The following ZBTB37 variants were observed in gnomAD, a reference collection of about 807,000 sequenced individuals.
The protein encoded by ZBTB37 is zinc finger and BTB domain containing 37, also known as zinc finger and BTB domain-containing protein 37.
Under a neutral mutation model 37.7 loss-of-function variants are expected in ZBTB37, and 15 were observed. The observed-to-expected ratio is 0.40, with a 90% CI of 0.27 to 0.61. The LOEUF is 0.61. ZBTB37 is among the 20% of genes least tolerant of loss of function. The pLI is 0.44. For missense variants in ZBTB37, 514 were observed against 641.9 expected (o/e 0.80, Z 2.15); for synonymous variants, 231 against 220.6 (o/e 1.05, Z -0.42).
exon 4 of ZBTB37, chr1:173,896,922 C>T (rs1410460896): frequency 6.6e-6 from 1 of 152,186 alleles, no homozygotes; most frequent in East Asian, 1.9e-4. Context: ...AAGTCCGTCT[C>T]TAGAATGGCT....
chr1:173,873,811 A>G (rs1262347672), intron 4 of ZBTB37, among the ~76,000 whole-genome samples: 1 of 152,260 alleles, frequency 6.6e-6, no homozygotes, highest in Non-Finnish European at 1.5e-5. Flanking sequence ...TGAAAAGAAC[A>G]TTAACAAATT....
downstream of ZBTB37, chr1:173,888,482 C>G (rs1273930351): frequency 6.6e-6 from 1 of 152,108 alleles, no homozygotes; most frequent in Non-Finnish European, 1.5e-5. Context: ...AACCAGAGTG[C>G]AGTGGTGCAA....
exon 4 of ZBTB37, chr1:173,899,640 C>T (rs563382777): frequency 4.6e-5 from 7 of 152,174 alleles, no homozygotes; most frequent in Admixed American, 2.0e-4. Context: ...TAGACATTTA[C>T]ATTTTATTGG....
exon 4 of ZBTB37, chr1:173,894,388 C>G (rs144321030): frequency 6.6e-6 from 1 of 152,282 alleles, no homozygotes; most frequent in East Asian, 1.9e-4. Flanking sequence ...TGGTATTCAG[C>G]AGGTGGTTAG....
At chr1:173,876,223 G>A (rs764691646) in intron 4 of ZBTB37, among the ~76,000 whole-genome samples, 7 of 151,940 alleles carry the variant, frequency 4.6e-5, no homozygotes, top group Non-Finnish European at 8.8e-5. Flanking sequence ...CCTTTAAAAA[G>A]TAAACACTGT....
rs1005103832 is a variant in ZBTB37 at position 173,875,156 on chromosome 1, G to C, written c.1023+1590G>C. ...TGTGTGTGTGTGTGTGTGTGTGTGTGTGTGCACGTGTGTACTGTATATACT... is the reference window on the plus strand; with the variant it reads ...TGTGTGTGTGTGTGTGTGTGTGTGTCTGTGCACGTGTGTACTGTATATACT... On this transcript the variant is annotated intron_variant, in intron 4 of 4. Transcript: ENST00000427304. Among the ~76,000 whole-genome samples the C allele has an allele frequency of 5.6e-5, 8 of 143,690 alleles. No individual in the cohort carries two copies. The South Asian group carries it at 1.7e-3, about 31-fold the overall frequency. The allele number at this position is 143,690 out of a possible 152,430, so 94.3% of individuals were successfully genotyped here.
At chr1:173,885,690 C>G in exon 5 of ZBTB37, 1 of 1,552,020 alleles carries the variant, frequency 6.4e-7, no homozygotes, top group South Asian at 1.2e-5. Flanking sequence ...TCTCCGAGAG[C>G]AGGAAGTATC....
chr1:173,881,515 T>C (rs529560756), intron 4 of ZBTB37, among the ~76,000 whole-genome samples: 136 of 152,292 alleles, frequency 8.9e-4, no homozygotes, highest in Middle Eastern at 6.8e-3. Context: ...TTCTGGATCC[T>C]TGAGGAATTG....
chr1:173,892,513 A>G (rs1462692900), exon 4 of ZBTB37: 1 of 152,186 alleles, frequency 6.6e-6, no homozygotes, highest in Non-Finnish European at 1.5e-5. Context: ...GTTACATTCC[A>G]AAGTATGTAA....
At chr1:173,893,506 A>G (rs565286082) in exon 4 of ZBTB37, 2 of 152,312 alleles carry the variant, frequency 1.3e-5, no homozygotes, top group Non-Finnish European at 2.9e-5. Flanking sequence ...TCCTAAGCCC[A>G]CTTGGTTGGC....
At chr1:173,899,976 C>A (rs1358207950) in exon 4 of ZBTB37, 1 of 152,208 alleles carries the variant, frequency 6.6e-6, no homozygotes, top group Non-Finnish European at 1.5e-5. Flanking sequence ...CTAGAATCCT[C>A]TTTCTTTTGC....
At chr1:173,870,722 G>T in exon 3 of ZBTB37, 2 of 1,614,114 alleles carry the variant, frequency 1.2e-6, no homozygotes, top group South Asian at 1.1e-5. Flanking sequence ...CTTAGCCCAC[G>T]ACATAATACC....
intron 4 of ZBTB37, among the ~76,000 whole-genome samples, chr1:173,876,825 T>A (rs777633754): frequency 6.6e-6 from 1 of 152,152 alleles, no homozygotes; most frequent in Non-Finnish European, 1.5e-5. Context: ...TGAGCAGATA[T>A]AGGCGTGTGT....
At chr1:173,882,830 T>C (rs1656411951) in intron 4 of ZBTB37, among the ~76,000 whole-genome samples, 1 of 152,216 alleles carries the variant, frequency 6.6e-6, no homozygotes, top group Non-Finnish European at 1.5e-5. Flanking sequence ...ATTTATTAAA[T>C]AGGAAATCCT....
intron 2 of ZBTB37, among the ~76,000 whole-genome samples, chr1:173,869,663 G>A (rs1194132367): frequency 6.6e-6 from 1 of 152,072 alleles, no homozygotes. Flanking sequence ...GGGGGGCTCT[G>A]ATTCTTAAGC....
intron 4 of ZBTB37, among the ~76,000 whole-genome samples, chr1:173,875,587 A>G (rs1417773250): frequency 6.6e-6 from 1 of 151,976 alleles, no homozygotes; most frequent in Admixed American, 6.6e-5. Flanking sequence ...TCAGCCTCCG[A>G]AAGTGCTGGG....
rs991257016 is a variant in ZBTB37, at chr1:173,900,393, A to G, written c.*14269A>G. On this transcript the variant is annotated 3_prime_UTR_variant, in exon 4 of 4. Transcript: ENST00000367701. The stretch of plus-strand genomic sequence containing the variant: ...CATCCCAGGTAGTAAACGTGTTTTA[A>G]TGGGTTTGTTTCTTGCCCATGGCAA... 5 of 152,262 alleles carry G rather than the reference A, an allele frequency of 3.3e-5. No homozygotes were observed. In the South Asian group the frequency reaches 8.3e-4, roughly 25 times the overall value. 9.4% of individuals were successfully genotyped at this position (152,262 alleles called of 1,614,324 possible).
exon 4 of ZBTB37, chr1:173,899,015 A>T (rs965207781): frequency 1.3e-5 from 2 of 152,212 alleles, no homozygotes; most frequent in African/African-American, 4.8e-5. Flanking sequence ...ATAAGTATTT[A>T]GTTTCCTGGT....
rs771056825 is a variant in ZBTB37 at position 173,870,606 on chromosome 1, CA to C, written c.385del (p.Ile129LeufsTer10). ...CACAGATCCTGGAGGGCATTCATTT[CA>C]AAATTAATGTGGCTGAGGTTGAAGC... On this transcript the variant is annotated frameshift_variant, in exon 3 of 5. Transcript: ENST00000427304. LOFTEE classifies it high-confidence loss of function. The C allele has an allele frequency of 6.2e-7, 1 of 1,614,116 alleles. No individual in the cohort carries two copies. Among genetic ancestry groups the C allele is most frequent in the South Asian group, 1.1e-5 (1 of 91,076 alleles).
Sources: allele counts gnomAD v4.1 joint callset (sites outside exome capture counted in the v4.1 genomes callset), GRCh38; gene constraint gnomAD v4.1.1; transcripts MANE v1.5; gene names NCBI Gene and HGNC (gene_info 2026-07-23, HGNC 2026-07-21).